The following CLU variants were observed in gnomAD, a reference collection of about 807,000 sequenced individuals.
The protein encoded by CLU is clusterin, also known as aging-associated protein 4.
Under a neutral mutation model 46.4 loss-of-function variants are expected in CLU, and 25 were observed. The observed-to-expected ratio is 0.54, with a 90% CI of 0.39 to 0.75. CLU has a LOEUF of 0.75. Ranked by LOEUF, CLU falls within the 30% of genes least tolerant of loss-of-function variation. CLU has a pLI of 0.00. For synonymous variants in CLU, 235 were observed against 235.1 expected, an observed-to-expected ratio of 1.00 and a Z score of 0.00; for missense variants, 504 against 592.1, an observed-to-expected ratio of 0.85 and a Z score of 1.54.
Position 27,598,673 on chromosome 8 carries a change from T to C in CLU, c.1165-38A>G, listed in dbSNP as rs773519893. ...AGAGAAAAGGGAAGAGCTGAAACAC[T>C]GTGGTCAAAATGCATGCGCTCTGCA... On this transcript the variant is annotated intron_variant, in intron 7 of 8. Coordinates refer to ENST00000316403, the MANE Select transcript of CLU (RefSeq NM_001831.4). 1.9e-6 allele frequency: 3 copies of C among 1,604,990 alleles called. No individual in the cohort carries two copies. The South Asian group carries it at 3.3e-5, about 18-fold the overall frequency.
At position 27,605,353 on chromosome 8, in the gene CLU, G is replaced by C. The variant is rs777908494; in HGVS notation, c.418-18C>G. 2 of 1,613,834 alleles carry C rather than the reference G, an allele frequency of 1.2e-6. No homozygotes were observed. The highest frequency in any genetic ancestry group is 1.7e-6 in the Non-Finnish European group (2 of 1,179,892). On this transcript the variant is annotated intron_variant, in intron 4 of 8. Transcript: ENST00000316403. Reference sequence around the variant, plus strand: ...TCCTCAAGCTGGGACAGCCAGCATGGGCACAGTTAGGAGAAGCTCACCAAG... The same window carrying C: ...TCCTCAAGCTGGGACAGCCAGCATGCGCACAGTTAGGAGAAGCTCACCAAG...
At position 27,610,494 on chromosome 8, in the gene CLU, G is replaced by A. The variant is rs765924674; in HGVS notation, c.78C>T (p.Val26=). 1.2e-6 allele frequency: 2 copies of A among 1,614,124 alleles called. No individual in the cohort carries two copies. Among genetic ancestry groups the A allele is most frequent in the Middle Eastern group, 1.6e-4 (1 of 6,062 alleles). Residue 26 remains valine, a synonymous_variant, in exon 2 of 9, where the codon GTC becomes GTT. Transcript: ENST00000316403. ...ACTCACCCTGGAGCTCATTGTCTGA[G>A]ACCGTCTGGTCCCCCAGGACCTGCC... ...ESGQVLGDQT[V]SDNELQEMSN... is the part of the protein sequence containing the mutation.
chr8:27,599,802 T>C lies in CLU; in HGVS notation c.1142A>G (p.Gln381Arg). The change falls in exon 7 of 9, where the codon CAG (glutamine) becomes CGG (arginine). Residue 381 changes from glutamine to arginine, a missense_variant. Coordinates refer to ENST00000316403, the MANE Select transcript of CLU (RefSeq NM_001831.4). The surrounding 1 kb of genome is among the most constrained non-coding windows in gnomAD (Gnocchi z 4.0). The stretch of plus-strand genomic sequence containing the variant: ...CACCGTGGTGACCCGCAGATAGTAC[T>C]GGTCTTCGCCTTGCGTGAGGTTTGC... ...RLANLTQGED[Q>R]YYLRVTTVAS... The C allele has an allele frequency of 6.2e-7, 1 of 1,612,570 alleles. No homozygotes were observed. Among genetic ancestry groups the C allele is most frequent in the South Asian group, 1.1e-5 (1 of 90,718 alleles).
chr8:27,602,174 C>T (rs190167260), intron 6 of CLU, among the ~76,000 whole-genome samples: 4 of 152,272 alleles, frequency 2.6e-5, no homozygotes, highest in African/African-American at 9.6e-5. Context: ...GTGACGCTGT[C>T]ACCCAGGGAG....
chr8:27,597,402 A>T lies in CLU; in HGVS notation c.*839T>A, dbSNP rs1268345512. ...CCGAGAAACGCCTGTGGTCCAGGGA[A>T]AGGTATGAAGATCATATAAACCGGC... On this transcript the variant is annotated 3_prime_UTR_variant, in exon 9 of 9. Transcript: ENST00000316403. 1 of 454,516 alleles carries T rather than the reference A, an allele frequency of 2.2e-6. No individual in the cohort carries two copies. Among genetic ancestry groups the T allele is most frequent in the South Asian group, 1.6e-5 (1 of 64,472 alleles). The allele number at this position is 454,516 out of a possible 1,614,324, so 28.2% of individuals were successfully genotyped here.
At position 27,609,061 on chromosome 8, in the gene CLU, GTACT is replaced by G; in HGVS notation, c.119_122del (p.Lys40ThrfsTer13). On this transcript the variant is annotated frameshift_variant, in exon 3 of 9. Coordinates refer to ENST00000316403, the MANE Select transcript of CLU (RefSeq NM_001831.4). LOFTEE classifies it high-confidence loss of function. ...CAGCATTTTGAATTTCCTTATTGAC[GTACT>G]TACTTCCCTGATTGGACATTTCTGC... 6.2e-7 allele frequency: 1 copy of G among 1,614,014 alleles called. No homozygotes were observed.
At chr8:27,601,251 A>T (rs1585251728) in intron 6 of CLU, among the ~76,000 whole-genome samples, 1 of 152,168 alleles carries the variant, frequency 6.6e-6, no homozygotes, top group Non-Finnish European at 1.5e-5. Flanking sequence ...GGGTTTCACC[A>T]TGTTGGCTAG....
intron 6 of CLU, among the ~76,000 whole-genome samples, chr8:27,601,564 G>A (rs1800722118): frequency 6.6e-6 from 1 of 152,178 alleles, no homozygotes; most frequent in South Asian, 2.1e-4. Context: ...CCTGGAAACT[G>A]TCCACTAGCT....
Position 27,598,612 on chromosome 8 carries a change from C to A in CLU, c.1188G>T (p.Ser396=), listed in dbSNP as rs375065507. ...VTTVASHTSD[S]DVPSGVTEVV... ...CCTCAGTGACACCGGAAGGAACGTC[C>A]GAGTCAGAAGTGTGGGAAGCCACCT... Residue 396 remains serine, a synonymous_variant, in exon 8 of 9, where the codon TCG becomes TCT. Coordinates refer to ENST00000316403, the MANE Select transcript of CLU (RefSeq NM_001831.4). The A allele has an allele frequency of 1.2e-6, 2 of 1,613,952 alleles. No individual in the cohort carries two copies. The highest frequency in any genetic ancestry group is 2.7e-5 in the African/African-American group (2 of 74,906).
At chr8:27,598,814 C>G (rs1399919992) in intron 7 of CLU, 179 bp from the exon 8 acceptor site, 6 of 642,812 alleles carry the variant, frequency 9.3e-6, no homozygotes, top group African/African-American at 9.1e-5. Flanking sequence ...ACAGAACGGA[C>G]CTGGTTCACA....
At position 27,609,105 on chromosome 8, in the gene CLU, A is replaced by G; in HGVS notation, c.98-19T>C. Reference sequence around the variant, plus strand: ...GACATTTCTGCAAGAGAAGTGCAAGAGGCAGAATGAGGCGAGAGGAAGAGG... The same window carrying G: ...GACATTTCTGCAAGAGAAGTGCAAGGGGCAGAATGAGGCGAGAGGAAGAGG... On this transcript the variant is annotated intron_variant, in intron 2 of 8. Transcript: ENST00000316403. 6.2e-7 allele frequency: 1 copy of G among 1,612,924 alleles called. No individual in the cohort carries two copies. The highest frequency in any genetic ancestry group is 8.5e-7 in the Non-Finnish European group (1 of 1,179,974).
At position 27,605,157 on chromosome 8, in the gene CLU, TC is replaced by T; in HGVS notation, c.595del (p.Glu199SerfsTer31). 1 of 1,614,114 alleles carries T rather than the reference TC, an allele frequency of 6.2e-7. No individual in the cohort carries two copies. Among genetic ancestry groups the T allele is most frequent in the Non-Finnish European group, 8.5e-7 (1 of 1,180,022 alleles). ...CAGGTAGTGGTAGGTATCCTGGGGC[TC>T]CCGGGTGAAGAACCTGTCCTGGAAG... ...ELFQDRFFTREPQDTYHYLPF... is the reference protein window; with the variant it reads ...ELFQDRFFTRXPQDTYHYLPF... On this transcript the variant is annotated frameshift_variant, in exon 5 of 9. Transcript: ENST00000316403. LOFTEE classifies it high-confidence loss of function.
Position 27,606,476 on chromosome 8 carries a change from G to C in CLU, c.295C>G (p.Pro99Ala), listed in dbSNP as rs772883860. Residue 99 changes from proline to alanine, a missense_variant, in exon 4 of 9, where the codon CCA becomes GCA. Around this residue, in one of 3 missense-constraint regions of CLU, gnomAD observed 428 missense variants for 484.0 expected, o/e 0.88. Coordinates refer to ENST00000316403, the MANE Select transcript of CLU (RefSeq NM_001831.4). ...ATCATGGTCTCATTGCACACTCCTGGGAGCTCCTTCAGCTTTGTCTCTGAT... is the reference window on the plus strand; with the variant it reads ...ATCATGGTCTCATTGCACACTCCTGCGAGCTCCTTCAGCTTTGTCTCTGAT... ...RESETKLKEL[P>A]GVCNETMMAL... 6.2e-7 allele frequency: 1 copy of C among 1,614,206 alleles called. No individual in the cohort carries two copies. Among genetic ancestry groups the C allele is most frequent in the South Asian group, 1.1e-5 (1 of 91,086 alleles).
intron 4 of CLU, 145 bp downstream of exon 4, chr8:27,606,209 C>T: frequency 1.1e-6 from 1 of 888,092 alleles, no homozygotes; most frequent in Non-Finnish European, 1.8e-6. Flanking sequence ...TCTACTCATG[C>T]CAGACATTAC....
In CLU at chr8:27,610,761, A is replaced by G. The variant is rs574662054; in HGVS notation, c.-29-161T>C. ...CCTGAGGAAATGGGGGGAAATGACC[A>G]GACTTGCCATGGACACCTCGAATGA... On this transcript the variant is annotated intron_variant, in intron 1 of 8. Transcript: ENST00000316403. 5 of 628,360 alleles carry G rather than the reference A, an allele frequency of 8.0e-6. No individual in the cohort carries two copies. In the African/African-American group the frequency reaches 9.1e-5, roughly 11 times the overall value. The allele number at this position is 628,360 out of a possible 1,614,324, so 38.9% of individuals were successfully genotyped here. A position where few individuals can be genotyped will look rare whatever the true frequency, so the allele number is the denominator to read the frequency against.
chr8:27,604,346 C>G lies in CLU; in HGVS notation c.879G>C (p.Thr293=), dbSNP rs543116935. 4 of 1,614,184 alleles carry G rather than the reference C, an allele frequency of 2.5e-6. No individual in the cohort carries two copies. The highest frequency in any genetic ancestry group is 1.1e-5 in the South Asian group (1 of 91,082). The change falls in exon 6 of 9, where the codon ACG becomes ACC. Residue 293 remains threonine, a synonymous_variant. Transcript: ENST00000316403. The stretch of plus-strand genomic sequence containing the variant: ...ACTGGTCCTTCATCCGCAGGCAGCC[C>G]GTGGAGTTGTGGCGGATCTCCCGGC... ...TVCREIRHNS[T]GCLRMKDQCD...
intron 5 of CLU, 53 bp from the exon 6 acceptor site, chr8:27,604,448 C>A (rs1481152047): frequency 1.6e-6 from 2 of 1,288,530 alleles, no homozygotes; most frequent in African/African-American, 1.5e-5. Context: ...CAGAGATGGA[C>A]TCCACTGATT....
chr8:27,613,601 CAAAGGTTAGCACTGTGGT>C (rs1362742750), intron 1 of CLU: 1 of 152,148 alleles, frequency 6.6e-6, no homozygotes, highest in Non-Finnish European at 1.5e-5. Flanking sequence ...CACCCAGAGG[CAAAGGTTAGCACTGTGGT>C]ATATTTCCTT....
chr8:27,610,687 C>A, intron 1 of CLU, 87 bp from the exon 2 acceptor site: 2 of 937,854 alleles, frequency 2.1e-6, no homozygotes, highest in South Asian at 1.3e-5. Context: ...CTCCCCAGGG[C>A]CTCACTGCCC....
Sources: gnomAD v4.1 joint callset for allele counts (sites outside exome capture counted in the v4.1 genomes callset) on GRCh38, gnomAD v4.1.1 for gene constraint, gnomAD v4.1.1 regional missense constraint, Gnocchi (gnomAD v3.1) non-coding constraint, MANE v1.5 for transcripts, NCBI Gene and HGNC (gene_info 2026-07-23, HGNC 2026-07-21) for gene names.